ATP11C: variants seen among roughly 807,000 people sequenced by gnomAD.
ATP11C encodes the protein phospholipid-transporting ATPase IG.
ATP11C carries 36 observed loss-of-function variants against 97.4 expected under a neutral mutation model. That is an observed-to-expected ratio of 0.37 (90% CI 0.28 to 0.49). The LOEUF (loss-of-function observed/expected upper bound fraction) is 0.49. ATP11C is among the 20% of genes least tolerant of loss of function. The pLI is 0.98. For missense variants in ATP11C, 730 were observed against 824.6 expected, an observed-to-expected ratio of 0.89 and a Z score of 1.40; for synonymous variants, 275 against 290.9, an observed-to-expected ratio of 0.95 and a Z score of 0.56.
At chrX:139,732,160 C>G (rs1293555873) in intron 28 of ATP11C, among the ~76,000 whole-genome samples, 1 of 110,782 alleles carries the variant, frequency 9.0e-6, no homozygotes, top group African/African-American at 3.3e-5. Context: ...ACATTCCTGT[C>G]CTGGTGAACA....
chrX:139,783,234 G>C lies in ATP11C; in HGVS notation c.1700C>G (p.Ser567Trp), dbSNP rs759958294. The change falls in exon 17 of 30, where the codon TCG becomes TGG. Residue 567 changes from serine to tryptophan, a missense_variant. Transcript: ENST00000682941. ...DILLFCKGADSAVFPRVQNHE... is the reference protein window; with the variant it reads ...DILLFCKGADWAVFPRVQNHE... The stretch of plus-strand genomic sequence containing the variant: ...ATTTTGCACTCTGGGAAAAACTGCC[G>C]AGTCTGCTCCTTTACAAAAGAGAAG... The C allele has an allele frequency of 1.7e-6, 2 of 1,203,965 alleles. No individual in the cohort carries two copies. Among genetic ancestry groups the C allele is most frequent in the East Asian group, 3.0e-5 (1 of 33,680 alleles).
chrX:139,847,323 C>T (rs2083924048), intron 1 of ATP11C, among the ~76,000 whole-genome samples: 1 of 111,240 alleles, frequency 9.0e-6, no homozygotes, highest in South Asian at 3.8e-4. Flanking sequence ...GCAGAGATTG[C>T]AGTGAGTCAA....
At chrX:139,811,893 T>C (rs753281957) in intron 5 of ATP11C, among the ~76,000 whole-genome samples, 2 of 111,901 alleles carry the variant, frequency 1.8e-5, no homozygotes, top group East Asian at 5.6e-4. Flanking sequence ...CTGCCTGGCA[T>C]ATACTACATA....
In ATP11C at chrX:139,770,836, G is replaced by T. The variant is rs760759417; in HGVS notation, c.2217-2402C>A. Among the ~76,000 whole-genome samples the T allele has an allele frequency of 9.8e-5, 11 of 111,978 alleles. No homozygotes were observed. In the East Asian group the frequency reaches 1.7e-3, roughly 17 times the overall value. On this transcript the variant is annotated intron_variant, in intron 19 of 29. Coordinates refer to ENST00000682941, the MANE Select transcript of ATP11C (RefSeq NM_001353812.2). ...AAAGTGTCCTCAGGGCTGTTGAATG[G>T]TGCTATAGACTGAATTGTGTTCCCC...
chrX:139,851,868 T>G (rs772441100), intron 1 of ATP11C, among the ~76,000 whole-genome samples: 8 of 112,379 alleles, frequency 7.1e-5, no homozygotes, highest in Non-Finnish European at 9.4e-5. Context: ...GGAATGGGAA[T>G]GTCTAACCTA....
chrX:139,830,590 T>C (rs2083626151), intron 1 of ATP11C, among the ~76,000 whole-genome samples: 1 of 111,607 alleles, frequency 9.0e-6, no homozygotes, highest in Non-Finnish European at 1.9e-5. Context: ...CAAATAATCT[T>C]AAAACCGACG....
chrX:139,742,054 T>G (rs2081567357), intron 26 of ATP11C, among the ~76,000 whole-genome samples: 1 of 111,585 alleles, frequency 9.0e-6, no homozygotes, highest in South Asian at 3.7e-4. Context: ...ATACTAATAT[T>G]AATCCAAAGA....
At chrX:139,766,971 G>C (rs1241437207) in intron 20 of ATP11C, among the ~76,000 whole-genome samples, 1 of 111,380 alleles carries the variant, frequency 9.0e-6, no homozygotes, top group African/African-American at 3.3e-5. Flanking sequence ...GTTGCCCTGA[G>C]CATGACATAT....
At chrX:139,869,404 AAT>A (rs1383383654) in intron 1 of ATP11C, among the ~76,000 whole-genome samples, 4 of 111,196 alleles carry the variant, frequency 3.6e-5, no homozygotes, top group African/African-American at 6.5e-5. Flanking sequence ...TTGTACCCAT[AAT>A]ATATGTTAAT....
chrX:139,831,209 G>T (rs2063098340), intron 1 of ATP11C, among the ~76,000 whole-genome samples: 1 of 111,350 alleles, frequency 9.0e-6, no homozygotes, highest in Non-Finnish European at 1.9e-5. Flanking sequence ...ATTTTGTGTT[G>T]TTCTGCCTTT....
chrX:139,808,091 T>C (rs1471631132), intron 5 of ATP11C, among the ~76,000 whole-genome samples: 4 of 111,524 alleles, frequency 3.6e-5, no homozygotes, highest in Non-Finnish European at 5.6e-5. Flanking sequence ...ATGAAAACCA[T>C]GTTATCAGAG....
At chrX:139,734,354 T>C (rs941010225) in intron 28 of ATP11C, among the ~76,000 whole-genome samples, 4 of 111,636 alleles carry the variant, frequency 3.6e-5, no homozygotes, top group Admixed American at 2.8e-4. Flanking sequence ...TCTTCCTGTT[T>C]GTGCTGACAT....
At chrX:139,925,615 T>A (rs921179119) in intron 1 of ATP11C, among the ~76,000 whole-genome samples, 9 of 112,208 alleles carry the variant, frequency 8.0e-5, no homozygotes, top group African/African-American at 2.9e-4. Flanking sequence ...CTGTGCTAAC[T>A]GCAAGATCAT....
intron 1 of ATP11C, among the ~76,000 whole-genome samples, chrX:139,862,810 G>C (rs919291467): frequency 2.7e-5 from 3 of 111,742 alleles, no homozygotes; most frequent in African/African-American, 9.8e-5. Flanking sequence ...CACTGGAAAA[G>C]TGAACCACTA....
intron 18 of ATP11C, among the ~76,000 whole-genome samples, chrX:139,778,845 C>T (rs1290056566): frequency 9.0e-6 from 1 of 110,962 alleles, no homozygotes; most frequent in Non-Finnish European, 1.9e-5. Context: ...TTCAACAGAC[C>T]CATCTCAGGC....
At chrX:139,754,528 CACA>C (rs1244555992) in intron 23 of ATP11C, among the ~76,000 whole-genome samples, 2 of 111,248 alleles carry the variant, frequency 1.8e-5, no homozygotes, top group Non-Finnish European at 3.8e-5. Context: ...TTGGCACAGA[CACA>C]ACAACAACAA....
At chrX:139,763,006 T>C (rs1310376771) in intron 21 of ATP11C, among the ~76,000 whole-genome samples, 1 of 112,266 alleles carries the variant, frequency 8.9e-6, no homozygotes, top group Admixed American at 9.4e-5. Flanking sequence ...AATAAAAATT[T>C]CATGCATGCT....
chrX:139,796,443 A>T lies in ATP11C; in HGVS notation c.1036T>A (p.Ser346Thr). ...KVLKMFTDFL[S>T]FMVLFNFIIP... ...ATAAAGTTGAATAGAACCATAAATG[A>T]TAGGAAGTCGGTGAACATTTTTAAA... Residue 346 changes from serine to threonine, a missense_variant, in exon 12 of 30, where the codon TCA (serine) becomes ACA (threonine). Transcript: ENST00000682941. The T allele has an allele frequency of 8.4e-7, 1 of 1,195,404 alleles. No individual in the cohort carries two copies. Among genetic ancestry groups the T allele is most frequent in the Non-Finnish European group, 1.1e-6 (1 of 883,827 alleles).
chrX:139,887,985 A>AC lies in ATP11C; in HGVS notation c.27+44030_27+44031insG, dbSNP rs749298229. Among the ~76,000 whole-genome samples the AC allele has an allele frequency of 5.8e-4, 62 of 106,019 alleles. 2 individuals carry two copies. The highest frequency in any genetic ancestry group is 1.8e-3 in the East Asian group (6 of 3,428). 92.1% of individuals were successfully genotyped at this position (106,019 alleles called of 115,157 possible). A position where few individuals can be genotyped will look rare whatever the true frequency, so the allele number is the denominator to read the frequency against. ...GACTCCGTCTCAAAAAAAAAAAAAA[A>AC]ACACACACACAAAACTACTGCTCTT... On this transcript the variant is annotated intron_variant, in intron 1 of 29. Coordinates refer to ENST00000682941, the MANE Select transcript of ATP11C (RefSeq NM_001353812.2).
Sources: gnomAD v4.1 joint callset for allele counts (sites outside exome capture counted in the v4.1 genomes callset) on GRCh38, gnomAD v4.1.1 for gene constraint, MANE v1.5 for transcripts, NCBI Gene and HGNC (gene_info 2026-07-23, HGNC 2026-07-21) for gene names.